The following SAT2 variants were observed in gnomAD, a reference collection of about 807,000 sequenced individuals.
SAT2 encodes the protein thialysine N-epsilon-acetyltransferase.
SAT2 carries 19 observed loss-of-function variants against 24.8 expected under a neutral mutation model. That is an observed-to-expected ratio of 0.77 (90% CI 0.53 to 1.12). The LOEUF is 1.12. SAT2 is among the 50% of genes most tolerant of loss of function. The pLI, the probability that SAT2 is intolerant of heterozygous loss-of-function variation, is 0.00. For missense variants in SAT2, 190 were observed against 210.7 expected (o/e 0.90, Z 0.61); for synonymous variants, 77 against 77.4 (o/e 0.99, Z 0.03).
Position 7,627,156 on chromosome 17 carries a change from G to A in SAT2, c.189C>T (p.Pro63=), listed in dbSNP as rs747517937. The A allele has an allele frequency of 1.9e-6, 3 of 1,614,002 alleles. No homozygotes were observed. Among genetic ancestry groups the A allele is most frequent in the Non-Finnish European group, 2.5e-6 (3 of 1,180,040 alleles). The part of the protein sequence containing the change: ...HCLVAEILPA[P]GKLLGPCVVG... Reference sequence around the variant, plus strand: ...AGGTGCTCTTACCCAGTAGCTTCCCGGGCGCTGGAAGAATCTCTGCTACCA... The same window carrying A: ...AGGTGCTCTTACCCAGTAGCTTCCCAGGCGCTGGAAGAATCTCTGCTACCA... Residue 63 remains proline, a synonymous_variant, in exon 3 of 6, where the codon CCC becomes CCT. Transcript: ENST00000269298. The surrounding 1 kb of genome is among the most constrained non-coding windows in gnomAD (Gnocchi z 4.8).
rs777908686 is a variant in SAT2 at position 7,626,998 on chromosome 17, T to G, written c.249A>C (p.Thr83=). ...GYGIYYFIYS[T]WKGRTIYLED... ...CCAGATAAATGGTGCGTCCCTTCCATGTACTGTAGATGAAATAGTATATCC... is the reference window on the plus strand; with the variant it reads ...CCAGATAAATGGTGCGTCCCTTCCAGGTACTGTAGATGAAATAGTATATCC... The change falls in exon 4 of 6, where the codon ACA becomes ACC. Residue 83 remains threonine (T), a synonymous_variant. Coordinates refer to ENST00000269298, the MANE Select transcript of SAT2 (RefSeq NM_133491.5). 2 of 1,613,888 alleles carry G rather than the reference T, an allele frequency of 1.2e-6. No individual in the cohort carries two copies. Among genetic ancestry groups the G allele is most frequent in the African/African-American group, 1.3e-5 (1 of 74,934 alleles).
intron 5 of SAT2, 48 bp from the exon 6 acceptor site, chr17:7,626,662 G>C: frequency 6.2e-7 from 1 of 1,611,352 alleles, no homozygotes; most frequent in Non-Finnish European, 8.5e-7. Flanking sequence ...AAAAGAAAAA[G>C]GTTTTCTCAC....
At position 7,627,521 on chromosome 17, in the gene SAT2, C is replaced by A. The variant is rs774048348; in HGVS notation, c.66+49G>T. 1.9e-6 allele frequency: 3 copies of A among 1,602,640 alleles called. No individual in the cohort carries two copies. Among genetic ancestry groups the A allele is most frequent in the Admixed American group, 1.7e-5 (1 of 59,624 alleles). On this transcript the variant is annotated intron_variant, in intron 1 of 5. Transcript: ENST00000269298. The surrounding 1 kb of genome is among the most constrained non-coding windows in gnomAD (Gnocchi z 4.8). The stretch of plus-strand genomic sequence containing the variant: ...CCTGCCCCCGCCTCCTACGACCCCG[C>A]TCTGGCCGCGCCACTCTGACCCCCG...
Position 7,627,558 on chromosome 17 carries a change from T to G in SAT2, c.66+12A>C. The stretch of plus-strand genomic sequence containing the variant: ...CACTCTGACCCCCGGGTTACCGGCC[T>G]GCAGTCTTCACCCGAATCAGCCTCA... On this transcript the variant is annotated intron_variant, in intron 1 of 5. Transcript: ENST00000269298. The surrounding 1 kb of genome is among the most constrained non-coding windows in gnomAD (Gnocchi z 4.8). 1 of 1,608,842 alleles carries G rather than the reference T, an allele frequency of 6.2e-7. No homozygotes were observed. Among genetic ancestry groups the G allele is most frequent in the African/African-American group, 1.3e-5 (1 of 74,772 alleles).
In SAT2 at chr17:7,626,647, G is replaced by C. The variant is rs1274690412; in HGVS notation, c.346-33C>G. The C allele has an allele frequency of 5.0e-6, 8 of 1,610,396 alleles. No individual in the cohort carries two copies. In the East Asian group the frequency reaches 1.8e-4, roughly 36 times the overall value. On this transcript the variant is annotated intron_variant, in intron 5 of 5. Coordinates refer to ENST00000269298, the MANE Select transcript of SAT2 (RefSeq NM_133491.5). ...AGAAGACAACACTAACTTTTCTGGG[G>C]TCAAAAAAGAAAAAGGTTTTCTCAC...
Position 7,627,745 on chromosome 17 carries a change from C to A in SAT2, c.-110G>T, listed in dbSNP as rs771102778. 8 of 952,294 alleles carry A rather than the reference C, an allele frequency of 8.4e-6. No individual in the cohort carries two copies. In the African/African-American group the frequency reaches 1.3e-4, roughly 16 times the overall value. 59.0% of individuals were successfully genotyped at this position (952,294 alleles called of 1,614,324 possible). ...TGAAGAGCCTGAGAGAGCGGGGTGG[C>A]GGGAGTCGGGGGGGACGGCGGGGTA... On this transcript the variant is annotated 5_prime_UTR_variant, in exon 1 of 6. Transcript: ENST00000269298. This position sits in a 1 kb window ranked among gnomAD's most constrained non-coding sequence, Gnocchi z 4.8.
At position 7,626,936 on chromosome 17, in the gene SAT2, C is replaced by T. The variant is rs2072228954; in HGVS notation, c.304+7G>A. 1 of 1,613,268 alleles carries T rather than the reference C, an allele frequency of 6.2e-7. No individual in the cohort carries two copies. Among genetic ancestry groups the T allele is most frequent in the Non-Finnish European group, 8.5e-7 (1 of 1,179,450 alleles). On this transcript the variant is annotated splice_region_variant and intron_variant, in intron 4 of 5. Transcript: ENST00000269298. The stretch of plus-strand genomic sequence containing the variant: ...CTCCCACCCCAGCCTCAGCTTCTGC[C>T]CAGTACCCCGATATTCCGGCATCAC...
Position 7,626,242 on chromosome 17 carries a change from T to G in SAT2, c.*205A>C. 31 of 530,200 alleles carry G rather than the reference T, an allele frequency of 5.8e-5. No individual in the cohort carries two copies. The highest frequency in any genetic ancestry group is 1.3e-4 in the East Asian group (4 of 30,058). 32.8% of individuals were successfully genotyped at this position (530,200 alleles called of 1,614,324 possible). A position where few individuals can be genotyped will look rare whatever the true frequency, so the allele number is the denominator to read the frequency against. ...AAAGACCCAACACCACATCAGGACA[T>G]GTAATTCTTATTTATTTTTCACCCT... On this transcript the variant is annotated 3_prime_UTR_variant, in exon 6 of 6. Coordinates refer to ENST00000269298, the MANE Select transcript of SAT2 (RefSeq NM_133491.5).
In SAT2 at chr17:7,627,456, C is replaced by T; in HGVS notation, c.67-42G>A. On this transcript the variant is annotated intron_variant, in intron 1 of 5. Coordinates refer to ENST00000269298, the MANE Select transcript of SAT2 (RefSeq NM_133491.5). This position sits in a 1 kb window ranked among gnomAD's most constrained non-coding sequence, Gnocchi z 4.8. The stretch of plus-strand genomic sequence containing the variant: ...GAAGCTAGATTAGAGCAGAAGGGCC[C>T]CGCTGCTCCCCGAGCAGGTTCCCAA... 1 of 1,612,052 alleles carries T rather than the reference C, an allele frequency of 6.2e-7. No homozygotes were observed. The highest frequency in any genetic ancestry group is 1.3e-5 in the African/African-American group (1 of 74,976).
chr17:7,627,103 C>A lies in SAT2; in HGVS notation c.202+40G>T, dbSNP rs369670856. On this transcript the variant is annotated intron_variant, in intron 3 of 5. Coordinates refer to ENST00000269298, the MANE Select transcript of SAT2 (RefSeq NM_133491.5). This position sits in a 1 kb window ranked among gnomAD's most constrained non-coding sequence, Gnocchi z 4.8. ...AAGCCTGTGGGGAGACCTCTGAGGC[C>A]GGCTGGAGAGGTGGACTTCTAAGGG... 1 of 1,613,190 alleles carries A rather than the reference C, an allele frequency of 6.2e-7. No individual in the cohort carries two copies. Among genetic ancestry groups the A allele is most frequent in the Non-Finnish European group, 8.5e-7 (1 of 1,179,208 alleles).
In SAT2 at chr17:7,627,122, C is replaced by T; in HGVS notation, c.202+21G>A. ...TGAGGCCGGCTGGAGAGGTGGACTT[C>T]TAAGGGCCAGGTGCTCTTACCCAGT... On this transcript the variant is annotated intron_variant, in intron 3 of 5. Transcript: ENST00000269298. The surrounding 1 kb of genome is among the most constrained non-coding windows in gnomAD (Gnocchi z 4.8). 1 of 1,613,988 alleles carries T rather than the reference C, an allele frequency of 6.2e-7. No individual in the cohort carries two copies. Among genetic ancestry groups the T allele is most frequent in the South Asian group, 1.1e-5 (1 of 91,080 alleles).
chr17:7,627,724 G>C lies in SAT2; in HGVS notation c.-89C>G. The C allele has an allele frequency of 6.9e-7, 1 of 1,456,014 alleles. No individual in the cohort carries two copies. Among genetic ancestry groups the C allele is most frequent in the Non-Finnish European group, 9.6e-7 (1 of 1,040,570 alleles). The allele number at this position is 1,456,014 out of a possible 1,614,324, so 90.2% of individuals were successfully genotyped here. ...AGGGCCTACGGACTTGGATCCTGAAGAGCCTGAGAGAGCGGGGTGGCGGGA... is the reference window on the plus strand; with the variant it reads ...AGGGCCTACGGACTTGGATCCTGAACAGCCTGAGAGAGCGGGGTGGCGGGA... On this transcript the variant is annotated 5_prime_UTR_variant, in exon 1 of 6. Coordinates refer to ENST00000269298, the MANE Select transcript of SAT2 (RefSeq NM_133491.5). The surrounding 1 kb of genome is among the most constrained non-coding windows in gnomAD (Gnocchi z 4.8).
upstream of SAT2, chr17:7,627,862 AC>A (rs2072272038): frequency 9.2e-6 from 6 of 649,032 alleles, no homozygotes; most frequent in Non-Finnish European, 1.4e-5. This position sits in a 1 kb window ranked among gnomAD's most constrained non-coding sequence, Gnocchi z 4.8. Flanking sequence ...GCATAGCCCC[AC>A]CCCCTCGAAT....
chr17:7,627,385 A>T lies in SAT2; in HGVS notation c.96T>A (p.Asp32Glu). ...CACCTTCTTCACTGATCTTCACCTG[A>T]TCCGAGAGTTTTTCGAATTCGGCTA... ...RELAEFEKLS[D>E]QVKISEEALR... The change falls in exon 2 of 6, where the codon GAT becomes GAA. Residue 32 changes from aspartate to glutamate, a missense_variant. Physicochemically the swap from Asp to Glu is conservative, Grantham distance 45. Transcript: ENST00000269298. The surrounding 1 kb of genome is among the most constrained non-coding windows in gnomAD (Gnocchi z 4.8). 6.2e-7 allele frequency: 1 copy of T among 1,613,972 alleles called. No individual in the cohort carries two copies. The highest frequency in any genetic ancestry group is 8.5e-7 in the Non-Finnish European group (1 of 1,179,978).
Position 7,627,355 on chromosome 17 carries a change from G to A in SAT2, c.118+8C>T, listed in dbSNP as rs1490564318. On this transcript the variant is annotated splice_region_variant and intron_variant, in intron 2 of 5. Transcript: ENST00000269298. The surrounding 1 kb of genome is among the most constrained non-coding windows in gnomAD (Gnocchi z 4.8). The stretch of plus-strand genomic sequence containing the variant: ...GCCTCCGCCAGAACCTGGGCGCTGA[G>A]CCCCCACCTTCTTCACTGATCTTCA... 4 of 1,614,006 alleles carry A rather than the reference G, an allele frequency of 2.5e-6. No homozygotes were observed. Among genetic ancestry groups the A allele is most frequent in the Non-Finnish European group, 3.4e-6 (4 of 1,180,010 alleles).
chr17:7,627,765 G>C lies in SAT2; in HGVS notation c.-130C>G, dbSNP rs766077218. 1 of 1,037,004 alleles carries C rather than the reference G, an allele frequency of 9.6e-7. No individual in the cohort carries two copies. 64.2% of individuals were successfully genotyped at this position (1,037,004 alleles called of 1,614,324 possible). ...GGTGGCGGGAGTCGGGGGGGACGGC[G>C]GGGTAGCCGCGGCCTGGTAAGTGGA... On this transcript the variant is annotated 5_prime_UTR_variant, in exon 1 of 6. Coordinates refer to ENST00000269298, the MANE Select transcript of SAT2 (RefSeq NM_133491.5). The surrounding 1 kb of genome is among the most constrained non-coding windows in gnomAD (Gnocchi z 4.8).
Position 7,627,537 on chromosome 17 carries a change from C to T in SAT2, c.66+33G>A. 6.2e-7 allele frequency: 1 copy of T among 1,605,166 alleles called. No individual in the cohort carries two copies. The highest frequency in any genetic ancestry group is 8.5e-7 in the Non-Finnish European group (1 of 1,173,718). ...ACGACCCCGCTCTGGCCGCGCCACT[C>T]TGACCCCCGGGTTACCGGCCTGCAG... is the stretch of plus-strand genomic sequence containing the variant. On this transcript the variant is annotated intron_variant, in intron 1 of 5. Transcript: ENST00000269298. This position sits in a 1 kb window ranked among gnomAD's most constrained non-coding sequence, Gnocchi z 4.8.
rs374047970 is a variant in SAT2, at chr17:7,626,735, C to G, written c.345+18G>C. The G allele has an allele frequency of 3.2e-5, 52 of 1,614,118 alleles. No individual in the cohort carries two copies. The African/African-American group carries it at 6.3e-4, about 19-fold the overall frequency. ...TGCTTCTTCAGGTCCTCACTTGTCG[C>G]CCCACCCATCTCCTCACCTCAGCCA... On this transcript the variant is annotated intron_variant, in intron 5 of 5. Coordinates refer to ENST00000269298, the MANE Select transcript of SAT2 (RefSeq NM_133491.5).
Position 7,627,454 on chromosome 17 carries a change from C to A in SAT2, c.67-40G>T, listed in dbSNP as rs1183548652. 6.2e-7 allele frequency: 1 copy of A among 1,611,574 alleles called. No individual in the cohort carries two copies. Among genetic ancestry groups the A allele is most frequent in the Non-Finnish European group, 8.5e-7 (1 of 1,177,946 alleles). ...CGGAAGCTAGATTAGAGCAGAAGGG[C>A]CCCGCTGCTCCCCGAGCAGGTTCCC... is the stretch of plus-strand genomic sequence containing the variant. On this transcript the variant is annotated intron_variant, in intron 1 of 5. Coordinates refer to ENST00000269298, the MANE Select transcript of SAT2 (RefSeq NM_133491.5). The surrounding 1 kb of genome is among the most constrained non-coding windows in gnomAD (Gnocchi z 4.8).
Sources: allele counts gnomAD v4.1 joint callset, GRCh38; gene constraint gnomAD v4.1.1; non-coding constraint Gnocchi (gnomAD v3.1); transcripts MANE v1.5; gene names NCBI Gene and HGNC (gene_info 2026-07-23, HGNC 2026-07-21).